The following ZNF236 variants were observed in gnomAD, a reference collection of about 807,000 sequenced individuals.
ZNF236 encodes zinc finger protein 236, also known as regulated by glucose.
ZNF236 carries 50 observed loss-of-function variants against 191.2 expected under a neutral mutation model. That is an observed-to-expected ratio of 0.26 (90% confidence interval 0.21 to 0.33). The LOEUF is 0.33. Ranked by LOEUF, ZNF236 falls within the 10% of genes least tolerant of loss-of-function variation. The pLI, the probability that ZNF236 is intolerant of heterozygous loss-of-function variation, is 1.00. For synonymous variants in ZNF236, 907 were observed against 928.8 expected, an observed-to-expected ratio of 0.98 and a Z score of 0.43; for missense variants, 1,754 against 2,374.5, an observed-to-expected ratio of 0.74 and a Z score of 5.43.
intron 20 of ZNF236, 84 bp from the exon 21 acceptor site, chr18:76,922,987 C>A (rs1967580258): frequency 2.9e-6 from 3 of 1,027,460 alleles, no homozygotes; most frequent in Non-Finnish European, 4.4e-6. Flanking sequence ...AACGTAGTAA[C>A]ACCTAATTTT....
At chr18:76,852,824 G>A (rs1170849247) in intron 3 of ZNF236, among the ~76,000 whole-genome samples, 1 of 152,142 alleles carries the variant, frequency 6.6e-6, no homozygotes, top group African/African-American at 2.4e-5. Context: ...ATATTCAGAC[G>A]ATCCCTGACT....
chr18:76,909,612 A>G (rs939775115), intron 14 of ZNF236, among the ~76,000 whole-genome samples: 2 of 152,204 alleles, frequency 1.3e-5, no homozygotes, highest in Admixed American at 1.3e-4. Flanking sequence ...AGACTGTGTG[A>G]TTAGTGACAT....
At chr18:76,958,428 A>G (rs750908793) in intron 28 of ZNF236, among the ~76,000 whole-genome samples, 1 of 152,182 alleles carries the variant, frequency 6.6e-6, no homozygotes, top group Non-Finnish European at 1.5e-5. Context: ...TGGAGGTCAG[A>G]GAAACAGAAG....
At chr18:76,918,117 TTCAG>T (rs1967422979) in intron 19 of ZNF236, among the ~76,000 whole-genome samples, 1 of 152,248 alleles carries the variant, frequency 6.6e-6, no homozygotes, top group Non-Finnish European at 1.5e-5. Flanking sequence ...GTAAGTTTTT[TTCAG>T]TCAGTCATAC....
intron 1 of ZNF236, among the ~76,000 whole-genome samples, chr18:76,824,842 C>G (rs559737234): frequency 6.6e-6 from 1 of 152,380 alleles, no homozygotes; most frequent in African/African-American, 2.4e-5. Flanking sequence ...GAGATACCCT[C>G]TGACCCAGCC....
intron 27 of ZNF236, among the ~76,000 whole-genome samples, chr18:76,955,109 GTTTAT>G (rs1968490931): frequency 1.3e-5 from 2 of 152,106 alleles, no homozygotes; most frequent in African/African-American, 4.8e-5. Flanking sequence ...GGAATCTGTT[GTTTAT>G]AAAAGCTGAG....
At chr18:76,941,518 C>G (rs556766172) in intron 26 of ZNF236, among the ~76,000 whole-genome samples, 55 of 152,322 alleles carry the variant, frequency 3.6e-4, no homozygotes, top group African/African-American at 1.3e-3. Flanking sequence ...ACAGGTGGCT[C>G]CTGTGCCTGG....
intron 1 of ZNF236, among the ~76,000 whole-genome samples, chr18:76,837,143 C>CCCCCCCCCCCCCCCCCCG (rs1975358526): frequency 3.2e-5 from 4 of 125,876 alleles, no homozygotes; most frequent in African/African-American, 1.1e-4. Flanking sequence ...CCCCCCCGCC[C>CCCCCCCCCCCCCCCCCCG]CGCAAGCCTC....
At position 76,875,347 on chromosome 18, in the gene ZNF236, G is replaced by A; in HGVS notation, c.668-145G>A. ...CATGTTAATTTTGAGATTTAAAGTA[G>A]ACACTTGTATATATGCATCTAGAGT... On this transcript the variant is annotated intron_variant, in intron 5 of 30. Coordinates refer to ENST00000320610, the MANE Select transcript of ZNF236 (RefSeq NM_001306089.2). This position sits in a 1 kb window ranked among gnomAD's most constrained non-coding sequence, Gnocchi z 4.3. 2 of 647,806 alleles carry A rather than the reference G, an allele frequency of 3.1e-6. No homozygotes were observed. The highest frequency in any genetic ancestry group is 8.4e-5 in the Admixed American group (2 of 23,708). The allele number at this position is 647,806 out of a possible 1,614,324, so 40.1% of individuals were successfully genotyped here. A position where few individuals can be genotyped will look rare whatever the true frequency, so the allele number is the denominator to read the frequency against.
chr18:76,915,983 T>C (rs1052565933), intron 19 of ZNF236, 124 bp downstream of exon 19: 2 of 778,888 alleles, frequency 2.6e-6, no homozygotes, highest in African/African-American at 3.5e-5. Context: ...GCACCCTGAG[T>C]TTTTAATAAT....
chr18:76,908,564 G>A lies in ZNF236; in HGVS notation c.2542G>A (p.Ala848Thr). 2.5e-6 allele frequency: 4 copies of A among 1,605,558 alleles called. No individual in the cohort carries two copies. The highest frequency in any genetic ancestry group is 3.4e-6 in the Non-Finnish European group (4 of 1,176,396). Reference sequence around the variant, plus strand: ...GCAGTTGGCAGATCAGCCCCTGGAAGCAGATGAAGGTAAATGTTTCAGGAT... The same window carrying A: ...GCAGTTGGCAGATCAGCCCCTGGAAACAGATGAAGGTAAATGTTTCAGGAT... ...GQQLADQPLEADEDGFVAPQD... is the reference protein window; with the variant it reads ...GQQLADQPLETDEDGFVAPQD... The change falls in exon 14 of 31, where the codon GCA (alanine) becomes ACA (threonine). Residue 848 changes from alanine (A) to threonine (T), a missense_variant. Physicochemically the swap from Ala to Thr is moderately conservative, Grantham distance 58. This residue lies in a region of ZNF236 where 641 missense variants were observed against 869.6 expected (regional missense o/e 0.74). Coordinates refer to ENST00000320610, the MANE Select transcript of ZNF236 (RefSeq NM_001306089.2).
intron 13 of ZNF236, 130 bp downstream of exon 13, chr18:76,905,545 GAAAAAAAA>G (rs1159878664): frequency 0.14 from 9,161 of 66,952 alleles, 388 homozygotes; most frequent in African/African-American, 0.34. Flanking sequence ...ATGGGCTCAA[GAAAAAAAA>G]AAAAAAAAAA....
chr18:76,882,842 G>A (rs568049451), intron 9 of ZNF236, among the ~76,000 whole-genome samples: 1 of 152,306 alleles, frequency 6.6e-6, no homozygotes, highest in South Asian at 2.1e-4. Flanking sequence ...CGTATATTTC[G>A]ATTAGCTGTG....
At chr18:76,896,670 G>A (rs1488320131) in intron 10 of ZNF236, among the ~76,000 whole-genome samples, 2 of 144,218 alleles carry the variant, frequency 1.4e-5, no homozygotes, top group Non-Finnish European at 3.0e-5. Context: ...CACAAACAGA[G>A]TACTGCACAC....
At chr18:76,892,571 T>C (rs189031380) in intron 9 of ZNF236, among the ~76,000 whole-genome samples, 2 of 152,166 alleles carry the variant, frequency 1.3e-5, no homozygotes, top group East Asian at 1.9e-4. Context: ...CTAATATATA[T>C]ATATAAACTT....
intron 1 of ZNF236, among the ~76,000 whole-genome samples, chr18:76,846,864 G>T (rs575378282): frequency 8.1e-4 from 122 of 151,472 alleles, no homozygotes; most frequent in African/African-American, 2.7e-3. Context: ...GTGCAATCTC[G>T]GATCACTGCA....
At chr18:76,926,363 A>G (rs185494363) in intron 22 of ZNF236, among the ~76,000 whole-genome samples, 2 of 152,274 alleles carry the variant, frequency 1.3e-5, no homozygotes, top group Admixed American at 6.5e-5. Context: ...GTGTATGCGT[A>G]TGGCATAAAG....
chr18:76,901,877 C>T (rs183604532), intron 11 of ZNF236, among the ~76,000 whole-genome samples: 74 of 152,280 alleles, frequency 4.9e-4, no homozygotes, highest in Middle Eastern at 6.8e-3. Flanking sequence ...CCCATGGTAG[C>T]GTAGAATACT....
At chr18:76,853,970 A>G (rs1204388092) in intron 3 of ZNF236, among the ~76,000 whole-genome samples, 2 of 151,794 alleles carry the variant, frequency 1.3e-5, no homozygotes, top group East Asian at 1.9e-4. Flanking sequence ...AGATCATGCT[A>G]TTGCACTCCA....
Sources: allele counts gnomAD v4.1 joint callset (sites outside exome capture counted in the v4.1 genomes callset), GRCh38; gene constraint gnomAD v4.1.1; regional missense constraint gnomAD v4.1.1; non-coding constraint Gnocchi (gnomAD v3.1); transcripts MANE v1.5; gene names NCBI Gene and HGNC (gene_info 2026-07-23, HGNC 2026-07-21).